The following SGSM1 variants were observed in gnomAD, a reference collection of about 807,000 sequenced individuals.
SGSM1 encodes the protein small G protein signaling modulator 1.
A neutral mutation model predicts 133.8 loss-of-function variants in SGSM1; 73 were observed. The observed-to-expected ratio is 0.55, with a 90% CI of 0.45 to 0.66. The LOEUF (loss-of-function observed/expected upper bound fraction) is 0.66. SGSM1 is among the 30% of genes least tolerant of loss of function. The pLI is 0.00. For missense variants in SGSM1, 1,213 were observed against 1,448.1 expected, an observed-to-expected ratio of 0.84 and a Z score of 2.64; for synonymous variants, 563 against 573.0, an observed-to-expected ratio of 0.98 and a Z score of 0.25.
chr22:24,837,076 A>G (rs1360542638), intron 2 of SGSM1, among the ~76,000 whole-genome samples: 1 of 152,230 alleles, frequency 6.6e-6, no homozygotes, highest in African/African-American at 2.4e-5. Flanking sequence ...AAATAAAGAC[A>G]CAAGACAAAG....
chr22:24,847,850 T>C, intron 4 of SGSM1, 54 bp downstream of exon 4: 1 of 1,586,446 alleles, frequency 6.3e-7, no homozygotes, highest in South Asian at 1.1e-5. Context: ...TAGTCCACAG[T>C]CCTCCCTGGG....
In SGSM1 at chr22:24,890,237, T is replaced by C. The variant is rs1323745761; in HGVS notation, c.1771-3194T>C. On this transcript the variant is annotated intron_variant, in intron 16 of 24. Coordinates refer to ENST00000400358, the MANE Select transcript of SGSM1 (RefSeq NM_001098497.3). Reference sequence around the variant, plus strand: ...TCCCAAAGTCCTGGGATTACAGGCATGAGCCACCACGCCCGGACTTAAACG... The same window carrying C: ...TCCCAAAGTCCTGGGATTACAGGCACGAGCCACCACGCCCGGACTTAAACG... Among the ~76,000 whole-genome samples the C allele has an allele frequency of 2.0e-5, 3 of 152,194 alleles. No homozygotes were observed. In the East Asian group the frequency reaches 5.8e-4, roughly 29 times the overall value.
At chr22:24,806,560 A>G in intron 2 of SGSM1, 76 bp downstream of exon 2, 1 of 1,452,962 alleles carries the variant, frequency 6.9e-7, no homozygotes, top group Non-Finnish European at 9.1e-7. Flanking sequence ...TCTTCGTGGA[A>G]GGGTGGCCTC....
intron 2 of SGSM1, among the ~76,000 whole-genome samples, chr22:24,823,485 C>A (rs1027286110): frequency 6.6e-6 from 1 of 152,080 alleles, no homozygotes; most frequent in Non-Finnish European, 1.5e-5. Flanking sequence ...CCTGTAGTCC[C>A]AGCTACTCAG....
chr22:24,813,297 A>C (rs1179249913), intron 2 of SGSM1, among the ~76,000 whole-genome samples: 1 of 152,096 alleles, frequency 6.6e-6, no homozygotes, highest in African/African-American at 2.4e-5. Flanking sequence ...TTTGGCTTTG[A>C]CTCTGGTGAG....
rs938910216 is a variant in SGSM1 at position 24,885,124 on chromosome 22, G to A, written c.1641+926G>A. 2.7e-4 allele frequency among the ~76,000 whole-genome samples: 41 copies of A among 151,036 alleles called. 1 individual carries two copies. The highest frequency in any genetic ancestry group is 5.9e-4 in the East Asian group (3 of 5,074). On this transcript the variant is annotated intron_variant, in intron 15 of 24. Coordinates refer to ENST00000400358, the MANE Select transcript of SGSM1 (RefSeq NM_001098497.3). ...CCAATTTTGTATTTTAAGTAGAGAC[G>A]GGGTTTCTCCATGTTGGTCAGGCTG... is the stretch of plus-strand genomic sequence containing the variant.
intron 17 of SGSM1, among the ~76,000 whole-genome samples, chr22:24,893,933 G>T: frequency 6.6e-6 from 1 of 152,170 alleles, no homozygotes; most frequent in East Asian, 1.9e-4. Flanking sequence ...AAAGTGCCTG[G>T]CGCACTGCCT....
At chr22:24,908,443 C>A (rs945629860) in intron 21 of SGSM1, among the ~76,000 whole-genome samples, 1 of 152,122 alleles carries the variant, frequency 6.6e-6, no homozygotes, top group Admixed American at 6.6e-5. Context: ...AAAATATTTG[C>A]AAGTCATATG....
chr22:24,866,404 C>T (rs942539054), intron 9 of SGSM1, among the ~76,000 whole-genome samples: 4 of 152,146 alleles, frequency 2.6e-5, no homozygotes, highest in African/African-American at 7.2e-5. Context: ...GACTCCTGCG[C>T]GTGGACACAT....
intron 2 of SGSM1, among the ~76,000 whole-genome samples, chr22:24,836,008 T>G (rs1189962941): frequency 1.3e-5 from 2 of 152,220 alleles, no homozygotes; most frequent in Non-Finnish European, 2.9e-5. Context: ...CATTTTTAAG[T>G]GTACAATTCA....
intron 2 of SGSM1, among the ~76,000 whole-genome samples, chr22:24,815,045 G>A (rs1927985972): frequency 6.6e-6 from 1 of 152,254 alleles, no homozygotes. Context: ...GCTAAACTCA[G>A]ATGTGGGGCA....
intron 2 of SGSM1, among the ~76,000 whole-genome samples, chr22:24,829,179 G>C (rs1928968526): frequency 6.6e-6 from 1 of 150,626 alleles, no homozygotes; most frequent in South Asian, 2.1e-4. Context: ...CTGGGCGAGA[G>C]AGTGAGGCTC....
chr22:24,900,347 CTTTCT>C (rs1353595643), intron 19 of SGSM1, among the ~76,000 whole-genome samples: 5 of 43,518 alleles, frequency 1.1e-4, no homozygotes, highest in Admixed American at 1.1e-3. Flanking sequence ...CCTCTTCTTT[CTTTCT>C]TTCTTTCTTT....
Position 24,927,175 on chromosome 22 carries a change from G to T in SGSM1, c.*2901G>T, listed in dbSNP as rs148222109. 1.1e-3 allele frequency: 169 copies of T among 152,346 alleles called. No homozygotes were observed. The highest frequency in any genetic ancestry group is 3.4e-3 in the Middle Eastern group (1 of 294). 9.4% of individuals were successfully genotyped at this position (152,346 alleles called of 1,614,324 possible). On this transcript the variant is annotated 3_prime_UTR_variant, in exon 25 of 25. Transcript: ENST00000400358. ...AGACTTCTTCATGTGTCTGTGGTCA[G>T]CTGATGTCCAGATAGGCAACTCTGC...
rs574482576 is a variant in SGSM1 at position 24,878,371 on chromosome 22, C to T, written c.1431-1091C>T. Among the ~76,000 whole-genome samples, 9 of 152,270 alleles carry T rather than the reference C, an allele frequency of 5.9e-5. No individual in the cohort carries two copies. In the East Asian group the frequency reaches 7.7e-4, roughly 13 times the overall value. On this transcript the variant is annotated intron_variant, in intron 13 of 24. Coordinates refer to ENST00000400358, the MANE Select transcript of SGSM1 (RefSeq NM_001098497.3). The stretch of plus-strand genomic sequence containing the variant: ...GGAGAGCTCACTACTTTGCAGAAAG[C>T]GAAGTCTACAGCGGGAAAGCTGTTG...
chr22:24,851,435 A>AG (rs150018574), intron 5 of SGSM1, among the ~76,000 whole-genome samples: 12,699 of 70,182 alleles, frequency 0.18, 774 homozygotes, highest in East Asian at 0.23. Context: ...GCAGGAAGGG[A>AG]GGGGGGGGTG....
intron 2 of SGSM1, 192 bp from the exon 3 acceptor site, chr22:24,844,705 G>A: frequency 1.8e-6 from 1 of 563,946 alleles, no homozygotes. Context: ...GATAAAATGA[G>A]AAGCATGGAG....
intron 21 of SGSM1, among the ~76,000 whole-genome samples, chr22:24,909,033 C>G (rs1315675676): frequency 4.6e-5 from 7 of 152,176 alleles, no homozygotes; most frequent in South Asian, 2.1e-4. Context: ...CTCCACCTCC[C>G]TCCTCCTGTC....
intron 24 of SGSM1, among the ~76,000 whole-genome samples, chr22:24,921,926 C>T (rs1569181242): frequency 1.3e-5 from 2 of 152,152 alleles, no homozygotes; most frequent in South Asian, 4.1e-4. Flanking sequence ...GTCTCAGACT[C>T]CCAACCTCAG....
Sources: gnomAD v4.1 joint callset for allele counts (sites outside exome capture counted in the v4.1 genomes callset) on GRCh38, gnomAD v4.1.1 for gene constraint, MANE v1.5 for transcripts, NCBI Gene and HGNC (gene_info 2026-07-23, HGNC 2026-07-21) for gene names.